Variants in ORC6 observed in about 807,000 individuals in gnomAD.
ORC6 encodes origin recognition complex, subunit 6 homolog-like (yeast).
Under a neutral mutation model 30.0 loss-of-function variants are expected in ORC6, and 31 were observed. That is an observed-to-expected ratio of 1.03 (90% CI 0.78 to 1.40). The LOEUF (loss-of-function observed/expected upper bound fraction) is 1.40. Ranked by LOEUF, ORC6 falls within the 40% of genes most tolerant of loss-of-function variation. The pLI is 0.00. For synonymous variants in ORC6, 136 were observed against 111.2 expected (o/e 1.22, Z -1.40); for missense variants, 340 against 304.3 (o/e 1.12, Z -0.87).
intron 1 of ORC6, among the ~76,000 whole-genome samples, chr16:46,690,063 C>T (rs1463438226): frequency 1.3e-5 from 2 of 152,256 alleles, no homozygotes; most frequent in African/African-American, 4.8e-5. Context: ...CCAACGCCTA[C>T]TGCAGTCGGG....
intron 2 of ORC6, among the ~76,000 whole-genome samples, chr16:46,691,974 T>A (rs1351512403): frequency 6.8e-6 from 1 of 146,590 alleles, no homozygotes; most frequent in African/African-American, 2.6e-5. Context: ...TCTCTCTCTC[T>A]CTCTCTCACC....
At position 46,691,047 on chromosome 16, in the gene ORC6, G is replaced by T. The variant is rs1330175602; in HGVS notation, c.122G>T (p.Arg41Leu). 6.2e-6 allele frequency: 10 copies of T among 1,613,780 alleles called. No individual in the cohort carries two copies. The highest frequency in any genetic ancestry group is 8.5e-6 in the Non-Finnish European group (10 of 1,179,640). ...SRVKCVGLSA[R>L]TTETSSAVMC... ...GTGAAGTGTGTCGGCCTCTCCGCACGCACCACGGAGACCAGCAGTGCAGTC... is the reference window on the plus strand; with the variant it reads ...GTGAAGTGTGTCGGCCTCTCCGCACTCACCACGGAGACCAGCAGTGCAGTC... Residue 41 changes from arginine (R) to leucine (L), a missense_variant, in exon 2 of 7, where the codon CGC becomes CTC. Transcript: ENST00000219097.
At chr16:46,689,793 A>C in intron 1 of ORC6, 23 bp downstream of exon 1, 11 of 1,573,824 alleles carry the variant, frequency 7.0e-6, no homozygotes, top group African/African-American at 1.3e-5. Flanking sequence ...GCGCAAGACC[A>C]GGGCTGGGCT....
In ORC6 at chr16:46,692,389, T is replaced by G; in HGVS notation, c.203T>G (p.Leu68Ter). 3 of 1,613,256 alleles carry G rather than the reference T, an allele frequency of 1.9e-6. No homozygotes were observed. The highest frequency in any genetic ancestry group is 2.5e-6 in the Non-Finnish European group (3 of 1,179,304). Residue 68 changes from leucine to a stop codon, truncating the protein, a stop_gained, in exon 3 of 7, where the codon TTA becomes TGA. Transcript: ENST00000219097. LOFTEE classifies it high-confidence loss of function. ...WMKCPLDRAY[L>*]IKLSGLNKET... ...GTGTTTTTCCTTTCACAGGCTTATT[T>G]AATTAAACTTTCTGGTTTGAACAAG...
At chr16:46,692,305 T>C (rs1596734057) in intron 2 of ORC6, 77 bp from the exon 3 acceptor site, 10 of 1,238,642 alleles carry the variant, frequency 8.1e-6, no homozygotes, top group Admixed American at 1.7e-5. Context: ...ATACTGCTTA[T>C]TAAACAAGTG....
chr16:46,694,452 C>G, intron 4 of ORC6: 1 of 140,240 alleles, frequency 7.1e-6, no homozygotes. Context: ...AGAGGCGCCC[C>G]TCACCTCCCG....
intron 6 of ORC6, among the ~76,000 whole-genome samples, chr16:46,696,439 A>G (rs1474022159): frequency 6.6e-6 from 1 of 152,158 alleles, no homozygotes; most frequent in Non-Finnish European, 1.5e-5. Flanking sequence ...ATAACAAGTC[A>G]GCTGGTTGGC....
rs767650075 is a variant in ORC6 at position 46,691,090 on chromosome 16, A to G, written c.165A>G (p.Ala55=). ...TSSAVMCLDL[A]ASWMKCPLDR... Reference sequence around the variant, plus strand: ...GTGCAGTCATGTGCCTGGACCTTGCAGCTTCCTGGATGAAGTGCCCCTTGG... The same window carrying G: ...GTGCAGTCATGTGCCTGGACCTTGCGGCTTCCTGGATGAAGTGCCCCTTGG... Residue 55 remains alanine, a synonymous_variant, in exon 2 of 7, where the codon GCA becomes GCG. Transcript: ENST00000219097. 19 of 1,614,076 alleles carry G rather than the reference A, an allele frequency of 1.2e-5. No homozygotes were observed. Among genetic ancestry groups the G allele is most frequent in the Admixed American group, 1.7e-5 (1 of 60,008 alleles).
At chr16:46,693,464 TAA>T (rs1436033595) in intron 4 of ORC6, 1 of 496,688 alleles carries the variant, frequency 2.0e-6, no homozygotes, top group Non-Finnish European at 3.7e-6. Context: ...TATCTGTCAT[TAA>T]AACAGTCTTC....
chr16:46,690,899 G>A, intron 1 of ORC6, 92 bp from the exon 2 acceptor site: 1 of 1,356,064 alleles, frequency 7.4e-7, no homozygotes, highest in East Asian at 2.3e-5. Context: ...GTTAGGCTTA[G>A]TGTGAAGCTA....
In ORC6 at chr16:46,695,648, T is replaced by G. The variant is rs1291047764; in HGVS notation, c.536T>G (p.Leu179Arg). Residue 179 changes from leucine (L) to arginine (R), a missense_variant, in exon 5 of 7, where the codon CTA becomes CGA. Physicochemically the swap from Leu to Arg is moderately radical, Grantham distance 102. Coordinates refer to ENST00000219097, the MANE Select transcript of ORC6 (RefSeq NM_014321.4). The stretch of plus-strand genomic sequence containing the variant: ...ATATTTGATCGACTGTGTAAACAAC[T>G]AGAGAAGATTGGACAGCAGGTCGAC... ...KAIFDRLCKQ[L>R]EKIGQQVDRE... is the part of the protein sequence containing the mutation. 3 of 1,609,458 alleles carry G rather than the reference T, an allele frequency of 1.9e-6. No homozygotes were observed. The highest frequency in any genetic ancestry group is 2.6e-6 in the Non-Finnish European group (3 of 1,175,852).
intron 6 of ORC6, 146 bp from the exon 7 acceptor site, chr16:46,697,312 C>A (rs1188782183): frequency 8.6e-6 from 6 of 700,712 alleles, no homozygotes. Flanking sequence ...TTACAAGACC[C>A]CATCTCAAAA....
Position 46,695,467 on chromosome 16 carries a change from G to A in ORC6, c.450-95G>A, listed in dbSNP as rs542060231. On this transcript the variant is annotated intron_variant, in intron 4 of 6. Transcript: ENST00000219097. ...AAAAAACTAGACAGAGGCTCTGGAA[G>A]CATGGTCAAAAAGAAAATAAGTTGA... 2.1e-5 allele frequency: 16 copies of A among 766,530 alleles called. No homozygotes were observed. In the East Asian group the frequency reaches 4.2e-4, roughly 20 times the overall value. 47.5% of individuals were successfully genotyped at this position (766,530 alleles called of 1,614,324 possible).
At chr16:46,697,307 A>G (rs1403095821) in intron 6 of ORC6, 151 bp from the exon 7 acceptor site, 1 of 679,522 alleles carries the variant, frequency 1.5e-6, no homozygotes, top group Non-Finnish European at 2.5e-6. Flanking sequence ...CAACATTACA[A>G]GACCCCATCT....
chr16:46,693,852 A>ATTTTATT (rs1567274493), intron 4 of ORC6: 4 of 99,556 alleles, frequency 4.0e-5, no homozygotes, highest in Non-Finnish European at 5.5e-5. Flanking sequence ...TTTTATTTTT[A>ATTTTATT]TTTTTTTTTT....
intron 1 of ORC6, 30 bp from the exon 2 acceptor site, chr16:46,690,961 T>C (rs1159209837): frequency 6.2e-7 from 1 of 1,613,802 alleles, no homozygotes; most frequent in Non-Finnish European, 8.5e-7. Flanking sequence ...TCTGAATAAG[T>C]TGTAGCGAAC....
intron 5 of ORC6, 155 bp from the exon 6 acceptor site, chr16:46,695,862 G>T: frequency 2.6e-6 from 2 of 760,574 alleles, no homozygotes; most frequent in South Asian, 3.0e-5. Flanking sequence ...TGATTCTCAA[G>T]TCTGACAAGA....
Position 46,691,958 on chromosome 16 carries a change from A to ACACACACACTCT in ORC6, c.196-423_196-422insACACACACTCTC. ...CACACACACACACACACACACACAC[A>ACACACACACTCT]CTCTCTCTCTCTCTCTCTCTCTCAC... On this transcript the variant is annotated intron_variant, in intron 2 of 6. Transcript: ENST00000219097. 3.8e-4 allele frequency among the ~76,000 whole-genome samples: 14 copies of ACACACACACTCT among 36,660 alleles called. 1 individual carries two copies. The South Asian group carries it at 7.7e-3, about 20-fold the overall frequency. 24.1% of individuals were successfully genotyped at this position (36,660 alleles called of 152,430 possible).
intron 3 of ORC6, 37 bp downstream of exon 3, chr16:46,692,582 C>T: frequency 6.3e-7 from 1 of 1,584,600 alleles, no homozygotes; most frequent in Non-Finnish European, 8.6e-7. Context: ...AAAATGTATA[C>T]CAATAGGCCG....
Sources: allele counts gnomAD v4.1 joint callset (sites outside exome capture counted in the v4.1 genomes callset), GRCh38; gene constraint gnomAD v4.1.1; transcripts MANE v1.5; gene names NCBI Gene and HGNC (gene_info 2026-07-23, HGNC 2026-07-21).